VAV3: variants seen among roughly 807,000 people sequenced by gnomAD.
The protein encoded by VAV3 is vav guanine nucleotide exchange factor 3, also known as guanine nucleotide exchange factor VAV3.
VAV3 carries 94 observed loss-of-function variants against 131.2 expected under a neutral mutation model. The ratio of observed to expected loss-of-function variants is 0.72; its 90% CI spans 0.61 to 0.85. VAV3 has a LOEUF of 0.85. VAV3 is among the 40% of genes least tolerant of loss of function. The pLI, the probability that VAV3 is intolerant of heterozygous loss-of-function variation, is 0.00. For missense variants in VAV3, 939 were observed against 1,002.7 expected (o/e 0.94, Z 0.86); for synonymous variants, 349 against 342.0 (o/e 1.02, Z -0.22).
chr1:107,936,463 C>T (rs902941132), intron 1 of VAV3, among the ~76,000 whole-genome samples: 3 of 152,086 alleles, frequency 2.0e-5, no homozygotes, highest in African/African-American at 7.2e-5. Flanking sequence ...ATTTGTCTTA[C>T]CGAGTTTTTA....
At chr1:107,773,406 TA>T (rs898992911) in intron 4 of VAV3, among the ~76,000 whole-genome samples, 1 of 152,050 alleles carries the variant, frequency 6.6e-6, no homozygotes, top group African/African-American at 2.4e-5. Context: ...AGTGGTCTTA[TA>T]AAAGCATCAG....
chr1:107,637,019 A>C (rs983281766), intron 20 of VAV3, among the ~76,000 whole-genome samples: 35 of 152,178 alleles, frequency 2.3e-4, no homozygotes, highest in Non-Finnish European at 4.4e-4. Flanking sequence ...GGGGAAAAAA[A>C]CAATAGAACC....
intron 1 of VAV3, among the ~76,000 whole-genome samples, chr1:107,883,271 A>G (rs951888677): frequency 6.6e-6 from 1 of 152,202 alleles, no homozygotes; most frequent in Non-Finnish European, 1.5e-5. Flanking sequence ...CCCGGCTCAC[A>G]TCTGTTATGG....
chr1:107,805,003 G>A (rs952591486), intron 2 of VAV3, among the ~76,000 whole-genome samples: 8 of 151,998 alleles, frequency 5.3e-5, no homozygotes, highest in East Asian at 1.9e-4. Flanking sequence ...CTTTGAAAAT[G>A]TATGTTTTCT....
Position 107,573,910 on chromosome 1 carries a change from G to T in VAV3, c.2502+137C>A, listed in dbSNP as rs556674443. ...CTGGTATCAGCAAAACACAGCACCA[G>T]TTTCCAGAGGGCAGAGGCCTGTGGG... On this transcript the variant is annotated intron_variant, in intron 26 of 26. Coordinates refer to ENST00000370056, the MANE Select transcript of VAV3 (RefSeq NM_006113.5). The T allele has an allele frequency of 1.8e-5, 20 of 1,135,890 alleles. No homozygotes were observed. The South Asian group carries it at 3.8e-4, about 21-fold the overall frequency. 70.4% of individuals were successfully genotyped at this position (1,135,890 alleles called of 1,614,324 possible).
intron 25 of VAV3, among the ~76,000 whole-genome samples, chr1:107,582,026 C>T (rs1650089518): frequency 1.3e-5 from 2 of 152,148 alleles, no homozygotes; most frequent in South Asian, 4.1e-4. Flanking sequence ...TGTGTTCTCA[C>T]TCAGGTAACA....
intron 2 of VAV3, chr1:107,820,802 A>C (rs1451428649): frequency 6.6e-6 from 1 of 152,140 alleles, no homozygotes; most frequent in Admixed American, 6.5e-5. Context: ...TTCTCTGATC[A>C]CCCATTTTTA....
chr1:107,781,309 T>TA (rs1665676620), intron 2 of VAV3, among the ~76,000 whole-genome samples: 1 of 152,166 alleles, frequency 6.6e-6, no homozygotes, highest in African/African-American at 2.4e-5. Flanking sequence ...ATAAAGTTAT[T>TA]ATACAAAGAT....
intron 2 of VAV3, among the ~76,000 whole-genome samples, chr1:107,845,091 G>C (rs182300476): frequency 1.3e-5 from 2 of 152,202 alleles, no homozygotes; most frequent in Non-Finnish European, 2.9e-5. Context: ...CCTCTGGGAC[G>C]AAGCTTCCAG....
chr1:107,596,292 G>A lies in VAV3; in HGVS notation c.2270C>T (p.Thr757Ile). 6.2e-7 allele frequency: 1 copy of A among 1,613,530 alleles called. No individual in the cohort carries two copies. The highest frequency in any genetic ancestry group is 8.5e-7 in the Non-Finnish European group (1 of 1,179,578). ...TGGAAACTGCAGAGTTGTATCTAAG[G>A]TTCTGAACCCTTCCTTGAGAGAATG... is the stretch of plus-strand genomic sequence containing the variant. The part of the protein sequence containing the change: ...KHHSLKEGFR[T>I]LDTTLQFPYK... Residue 757 changes from threonine to isoleucine, a missense_variant, in exon 25 of 27, where the codon ACC (threonine) becomes ATC (isoleucine). Thr to Ile is a moderately conservative substitution (Grantham distance 89). Coordinates refer to ENST00000370056, the MANE Select transcript of VAV3 (RefSeq NM_006113.5).
intron 15 of VAV3, among the ~76,000 whole-genome samples, chr1:107,721,560 C>T (rs971811368): frequency 6.6e-6 from 1 of 152,142 alleles, no homozygotes; most frequent in African/African-American, 2.4e-5. Context: ...ACACATCAGA[C>T]ACTTCGGAAG....
chr1:107,877,329 G>A (rs148149012), intron 1 of VAV3, among the ~76,000 whole-genome samples: 135 of 152,136 alleles, frequency 8.9e-4, no homozygotes, highest in African/African-American at 2.9e-3. Flanking sequence ...TTGCAATATC[G>A]TTTACATAAT....
intron 1 of VAV3, among the ~76,000 whole-genome samples, chr1:107,900,010 A>G (rs1671778475): frequency 2.6e-5 from 4 of 152,148 alleles, no homozygotes; most frequent in Admixed American, 2.6e-4. Context: ...CACTTTCAGC[A>G]TACTTAATAT....
intron 25 of VAV3, among the ~76,000 whole-genome samples, chr1:107,591,607 A>G (rs983769408): frequency 2.6e-5 from 4 of 152,140 alleles, no homozygotes; most frequent in Admixed American, 6.6e-5. Flanking sequence ...CTACCTCCCA[A>G]TTCTTCAGAT....
intron 22 of VAV3, among the ~76,000 whole-genome samples, chr1:107,605,719 T>C (rs1415517116): frequency 6.6e-6 from 1 of 152,148 alleles, no homozygotes; most frequent in Non-Finnish European, 1.5e-5. Flanking sequence ...AAATATTACA[T>C]AAAATTACCT....
intron 25 of VAV3, chr1:107,578,732 C>T (rs1327599401): frequency 5.1e-6 from 5 of 983,436 alleles, no homozygotes; most frequent in Non-Finnish European, 6.0e-6. Context: ...CCTCAGCCTC[C>T]CGAGTAGCTG....
chr1:107,653,989 T>TG (rs1194388587), intron 19 of VAV3, among the ~76,000 whole-genome samples: 8 of 152,104 alleles, frequency 5.3e-5, no homozygotes, highest in Admixed American at 4.6e-4. Context: ...AAACACTACA[T>TG]GCTAGCACAG....
chr1:107,905,116 A>T (rs1281983472), intron 1 of VAV3, among the ~76,000 whole-genome samples: 1 of 152,212 alleles, frequency 6.6e-6, no homozygotes, highest in Non-Finnish European at 1.5e-5. Context: ...CTGTTATAAA[A>T]TGTATACAAG....
At chr1:107,670,774 T>C (rs918851740) in intron 19 of VAV3, among the ~76,000 whole-genome samples, 1 of 152,192 alleles carries the variant, frequency 6.6e-6, no homozygotes, top group Non-Finnish European at 1.5e-5. Flanking sequence ...TAAGTCACAC[T>C]ACAAATATGA....
Sources: allele counts gnomAD v4.1 joint callset (sites outside exome capture counted in the v4.1 genomes callset), GRCh38; gene constraint gnomAD v4.1.1; transcripts MANE v1.5; gene names NCBI Gene and HGNC (gene_info 2026-07-23, HGNC 2026-07-21).